The following KLHL1 variants were observed in gnomAD, a reference collection of about 807,000 sequenced individuals.
The protein encoded by KLHL1 is kelch-like protein 1.
Under a neutral mutation model 77.7 loss-of-function variants are expected in KLHL1, and 47 were observed. The observed-to-expected ratio is 0.60, with a 90% CI of 0.48 to 0.77. The LOEUF (loss-of-function observed/expected upper bound fraction) is 0.77. Ranked by LOEUF, KLHL1 falls within the 30% of genes least tolerant of loss-of-function variation. The probability of loss-of-function intolerance (pLI) is 0.00; values close to 1 mark genes in which losing one functional copy is unlikely to be tolerated. For missense variants in KLHL1, 925 were observed against 910.8 expected (o/e 1.02, Z -0.20); for synonymous variants, 360 against 325.2 (o/e 1.11, Z -1.15).
intron 1 of KLHL1, among the ~76,000 whole-genome samples, chr13:70,036,437 A>G (rs1353374507): frequency 1.3e-5 from 2 of 152,002 alleles, no homozygotes; most frequent in Non-Finnish European, 2.9e-5. Flanking sequence ...CCCAAATATA[A>G]TAACTATCCT....
chr13:69,955,583 T>C (rs1883841036), intron 3 of KLHL1, among the ~76,000 whole-genome samples: 1 of 151,210 alleles, frequency 6.6e-6, no homozygotes, highest in Admixed American at 6.6e-5. Flanking sequence ...CTCTATTTTC[T>C]TACACATCAA....
At chr13:69,783,918 G>A (rs1160772960) in intron 7 of KLHL1, among the ~76,000 whole-genome samples, 1 of 151,970 alleles carries the variant, frequency 6.6e-6, no homozygotes, top group East Asian at 1.9e-4. Flanking sequence ...AAATGTTAAG[G>A]GCAGCCAGAG....
At chr13:70,103,507 A>G (rs1887973937) in intron 1 of KLHL1, among the ~76,000 whole-genome samples, 2 of 152,064 alleles carry the variant, frequency 1.3e-5, no homozygotes, top group African/African-American at 4.8e-5. Flanking sequence ...TAGAGAATGG[A>G]CTTGAGGAGG....
At chr13:69,958,254 A>AATC (rs1184268619) in intron 3 of KLHL1, among the ~76,000 whole-genome samples, 1 of 151,524 alleles carries the variant, frequency 6.6e-6, no homozygotes, top group Non-Finnish European at 1.5e-5. Flanking sequence ...TAATAATAAT[A>AATC]ATAATAATGT....
intron 6 of KLHL1, among the ~76,000 whole-genome samples, chr13:69,837,604 A>ATC (rs533594880): frequency 1.4e-5 from 2 of 138,520 alleles, no homozygotes; most frequent in African/African-American, 2.8e-5. Flanking sequence ...ATACACATAC[A>ATC]TCTCTCTCTC....
intron 4 of KLHL1, among the ~76,000 whole-genome samples, chr13:69,925,957 C>T (rs2138272419): frequency 6.6e-6 from 1 of 152,276 alleles, no homozygotes; most frequent in African/African-American, 2.4e-5. Flanking sequence ...CCTCATATAG[C>T]AGCATATCAA....
chr13:69,848,856 T>C (rs1443314364), intron 5 of KLHL1, among the ~76,000 whole-genome samples: 1 of 151,550 alleles, frequency 6.6e-6, no homozygotes, highest in Non-Finnish European at 1.5e-5. Context: ...TCAAAATAAG[T>C]AGAGCTCACA....
intron 1 of KLHL1, among the ~76,000 whole-genome samples, chr13:70,038,581 A>ATTTTTTTTTT (rs55885952): frequency 3.6e-4 from 26 of 73,054 alleles, no homozygotes; most frequent in Middle Eastern, 0.013. Flanking sequence ...ATTGTCATTA[A>ATTTTTTTTTT]TTTTTTTTTT....
intron 4 of KLHL1, among the ~76,000 whole-genome samples, chr13:69,917,906 A>G (rs1882501084): frequency 6.6e-6 from 1 of 152,102 alleles, no homozygotes; most frequent in Non-Finnish European, 1.5e-5. Flanking sequence ...TCACTGTACT[A>G]AGATTGTTGA....
intron 1 of KLHL1, among the ~76,000 whole-genome samples, chr13:69,988,315 T>C (rs1031433970): frequency 7.9e-5 from 12 of 152,286 alleles, no homozygotes; most frequent in Non-Finnish European, 1.6e-4. Context: ...CATGGTTGCA[T>C]ACTATTAAAT....
At chr13:69,904,208 C>T (rs1012749422) in intron 4 of KLHL1, among the ~76,000 whole-genome samples, 2 of 151,700 alleles carry the variant, frequency 1.3e-5, no homozygotes, top group Non-Finnish European at 2.9e-5. Context: ...TTTGCTGAAG[C>T]CAAGAAATAT....
intron 4 of KLHL1, among the ~76,000 whole-genome samples, chr13:69,923,627 A>G (rs1245145319): frequency 6.6e-6 from 1 of 152,192 alleles, no homozygotes; most frequent in East Asian, 1.9e-4. Flanking sequence ...AGACACATTT[A>G]TAAGAATAAA....
intron 1 of KLHL1, among the ~76,000 whole-genome samples, chr13:70,068,220 A>T (rs2137414090): frequency 6.6e-6 from 1 of 152,214 alleles, no homozygotes; most frequent in South Asian, 2.1e-4. Context: ...GGGCGCCTGT[A>T]GTCCCAGCTA....
At chr13:69,961,550 A>C in intron 2 of KLHL1, 106 bp from the exon 3 acceptor site, 1 of 1,182,172 alleles carries the variant, frequency 8.5e-7, no homozygotes, top group Non-Finnish European at 1.2e-6. Context: ...TGATCAATCA[A>C]TTAATGCATT....
Position 69,977,670 on chromosome 13 carries a change from G to T in KLHL1, c.498-1868C>A, listed in dbSNP as rs528013711. 5.8e-4 allele frequency among the ~76,000 whole-genome samples: 88 copies of T among 152,122 alleles called. No individual in the cohort carries two copies. In the South Asian group the frequency reaches 0.018, roughly 31 times the overall value. On this transcript the variant is annotated intron_variant, in intron 1 of 10. Transcript: ENST00000377844. Reference sequence around the variant, plus strand: ...AATTGGACTTAAACACGTTTTAATCGTATAGAAACACCTAATACACTGATT... The same window carrying T: ...AATTGGACTTAAACACGTTTTAATCTTATAGAAACACCTAATACACTGATT...
intron 3 of KLHL1, among the ~76,000 whole-genome samples, chr13:69,957,671 C>T (rs946083169): frequency 6.6e-6 from 1 of 151,684 alleles, no homozygotes; most frequent in African/African-American, 2.4e-5. Context: ...TACTGATATA[C>T]AATCTGAATT....
intron 1 of KLHL1, among the ~76,000 whole-genome samples, chr13:70,026,131 C>A (rs1013381604): frequency 6.6e-6 from 1 of 152,052 alleles, no homozygotes; most frequent in African/African-American, 2.4e-5. Flanking sequence ...CTGACCATAA[C>A]AAGATCAGCA....
chr13:69,800,032 C>T (rs563200697), intron 6 of KLHL1, among the ~76,000 whole-genome samples: 30 of 152,246 alleles, frequency 2.0e-4, no homozygotes, highest in African/African-American at 6.7e-4. Context: ...AACCAACCCC[C>T]ACTCTCCGAC....
intron 3 of KLHL1, among the ~76,000 whole-genome samples, chr13:69,944,570 T>C (rs896541636): frequency 1.3e-5 from 2 of 152,160 alleles, no homozygotes; most frequent in African/African-American, 4.8e-5. Flanking sequence ...AGTCCTGAGA[T>C]GGTAGGGGAA....
Sources: allele counts gnomAD v4.1 joint callset (sites outside exome capture counted in the v4.1 genomes callset), GRCh38; gene constraint gnomAD v4.1.1; transcripts MANE v1.5; gene names NCBI Gene and HGNC (gene_info 2026-07-23, HGNC 2026-07-21).